The following SGK2 variants were observed in gnomAD, a reference collection of about 807,000 sequenced individuals.
SGK2 encodes serum/glucocorticoid regulated kinase 2.
In SGK2, 36 loss-of-function variants were observed where a neutral mutation model predicts 47.5. That is an observed-to-expected ratio of 0.76 (90% confidence interval 0.58 to 1.00). The LOEUF (loss-of-function observed/expected upper bound fraction) is 1.00, where lower values mean the gene tolerates loss of function less well. Ranked by LOEUF, SGK2 falls within the 50% of genes least tolerant of loss-of-function variation. The pLI is 0.00. For missense variants in SGK2, 404 were observed against 467.4 expected (o/e 0.86, Z 1.25); for synonymous variants, 157 against 181.9 (o/e 0.86, Z 1.10).
At position 43,572,587 on chromosome 20, in the gene SGK2, GA is replaced by G. The variant is rs1407741266; in HGVS notation, c.597+452del. ...AGCTACTCGGGAGGCTGAGGCAGGA[GA>G]ATCGCTTGAATACAGGAGGCAGAGG... On this transcript the variant is annotated intron_variant, in intron 9 of 12. Transcript: ENST00000373100. The surrounding 1 kb of genome is among the most constrained non-coding windows in gnomAD (Gnocchi z 4.2). Among the ~76,000 whole-genome samples the G allele has an allele frequency of 2.0e-5, 3 of 152,262 alleles. No individual in the cohort carries two copies. Among genetic ancestry groups the G allele is most frequent in the Admixed American group, 1.3e-4 (2 of 15,302 alleles).
chr20:43,583,766 C>T lies in SGK2; in HGVS notation c.940-1086C>T, dbSNP rs944231017. 4.0e-5 allele frequency: 9 copies of T among 222,398 alleles called. 1 individual carries two copies. The highest frequency in any genetic ancestry group is 2.1e-4 in the African/African-American group (9 of 42,784). 13.8% of individuals were successfully genotyped at this position (222,398 alleles called of 1,614,324 possible). A position where few individuals can be genotyped will look rare whatever the true frequency, so the allele number is the denominator to read the frequency against. On this transcript the variant is annotated intron_variant, in intron 12 of 12. Coordinates refer to ENST00000373100, the MANE Select transcript of SGK2 (RefSeq NM_170693.3). ...TTAGCATTGCTTGAGGCCAGGAGTT[C>T]AAGACCAGCCTGGTCAACATGGCGA...
At position 43,570,660 on chromosome 20, in the gene SGK2, G is replaced by A. The variant is rs199504693; in HGVS notation, c.404G>A (p.Arg135Gln). 1.7e-4 allele frequency: 275 copies of A among 1,612,396 alleles called. No homozygotes were observed. The highest frequency in any genetic ancestry group is 2.1e-4 in the Non-Finnish European group (252 of 1,178,780). Residue 135 changes from arginine (R) to glutamine (Q), a missense_variant, in exon 7 of 13, where the codon CGG becomes CAG. Arg to Gln is a conservative substitution (Grantham distance 43). Transcript: ENST00000373100. ...LQRERRFLEP[R>Q]ARFYAAEVAS... Reference sequence around the variant, plus strand: ...CGGGAGCGCCGGTTCCTGGAGCCCCGGGCCAGGTTCTACGCTGCTGAGGTG... The same window carrying A: ...CGGGAGCGCCGGTTCCTGGAGCCCCAGGCCAGGTTCTACGCTGCTGAGGTG...
At position 43,572,044 on chromosome 20, in the gene SGK2, T is replaced by G; in HGVS notation, c.511-7T>G. The G allele has an allele frequency of 1.3e-6, 2 of 1,546,872 alleles. No individual in the cohort carries two copies. On this transcript the variant is annotated splice_polypyrimidine_tract_variant and splice_region_variant and intron_variant, in intron 8 of 12. Coordinates refer to ENST00000373100, the MANE Select transcript of SGK2 (RefSeq NM_170693.3). The surrounding 1 kb of genome is among the most constrained non-coding windows in gnomAD (Gnocchi z 4.2). ...ACCCTCCAGCCCATGCCCTCCGTCA[T>G]TCTCAGGGACACGTGGTGCTGACGG...
At chr20:43,583,627 T>C in intron 12 of SGK2, 1 of 985,318 alleles carries the variant, frequency 1.0e-6, no homozygotes, top group Non-Finnish European at 1.2e-6. Context: ...ACTGTATTGG[T>C]TAGCTCTTGG....
chr20:43,584,358 G>A (rs1434454948), intron 12 of SGK2, among the ~76,000 whole-genome samples: 1 of 152,142 alleles, frequency 6.6e-6, no homozygotes, highest in Non-Finnish European at 1.5e-5. Context: ...GATGGGAAAT[G>A]GAGAATTTGT....
chr20:43,571,429 A>G (rs1254087688), intron 8 of SGK2, among the ~76,000 whole-genome samples: 1 of 152,182 alleles, frequency 6.6e-6, no homozygotes, highest in African/African-American at 2.4e-5. Context: ...GTAAAAAAAC[A>G]GGATTGGGCA....
intron 1 of SGK2, among the ~76,000 whole-genome samples, chr20:43,559,769 T>A (rs1228301940): frequency 6.6e-6 from 1 of 151,956 alleles, no homozygotes; most frequent in Non-Finnish European, 1.5e-5. Context: ...AAGACCAGGT[T>A]TGTTGGGGAA....
chr20:43,576,963 T>A (rs1216297916), intron 11 of SGK2, among the ~76,000 whole-genome samples: 1 of 151,914 alleles, frequency 6.6e-6, no homozygotes, highest in Non-Finnish European at 1.5e-5. Context: ...ACAAAAAAAG[T>A]TTGGGATTGG....
chr20:43,570,508 G>A, intron 6 of SGK2, 109 bp from the exon 7 acceptor site: 1 of 669,868 alleles, frequency 1.5e-6, no homozygotes, highest in Non-Finnish European at 2.6e-6. Flanking sequence ...GAAGAATGCT[G>A]CAGGTCAGAG....
chr20:43,578,201 T>G (rs1980581888), intron 11 of SGK2, among the ~76,000 whole-genome samples: 1 of 151,992 alleles, frequency 6.6e-6, no homozygotes, highest in Admixed American at 6.6e-5. Flanking sequence ...ATGAATGGAC[T>G]AGGCCAGGTG....
rs147672588 is a variant in SGK2 at position 43,584,939 on chromosome 20, G to A, written c.1027G>A (p.Ala343Thr). ...KSIGCTPDTV[A>T]SSSGASSAFL... ...CATTGGCTGTACCCCTGACACTGTG[G>A]CCAGCAGCTCTGGGGCCTCAAGTGC... is the stretch of plus-strand genomic sequence containing the variant. The change falls in exon 13 of 13, where the codon GCC (alanine) becomes ACC (threonine). Residue 343 changes from alanine to threonine, a missense_variant. Physicochemically the swap from Ala to Thr is moderately conservative, Grantham distance 58. Coordinates refer to ENST00000373100, the MANE Select transcript of SGK2 (RefSeq NM_170693.3). 2.7e-5 allele frequency: 43 copies of A among 1,614,022 alleles called. No individual in the cohort carries two copies. The highest frequency in any genetic ancestry group is 3.3e-4 in the Middle Eastern group (2 of 6,084).
Position 43,566,484 on chromosome 20 carries a change from C to T in SGK2, c.-12C>T. On this transcript the variant is annotated 5_prime_UTR_variant, in exon 2 of 13. Coordinates refer to ENST00000373100, the MANE Select transcript of SGK2 (RefSeq NM_170693.3). Reference sequence around the variant, plus strand: ...CCCTGTCCCCCCAGAGCTGCCTGATCATTGCTACAGAATGAACTCTAGCCC... The same window carrying T: ...CCCTGTCCCCCCAGAGCTGCCTGATTATTGCTACAGAATGAACTCTAGCCC... The T allele has an allele frequency of 6.2e-7, 1 of 1,614,110 alleles. No homozygotes were observed. The highest frequency in any genetic ancestry group is 8.5e-7 in the Non-Finnish European group (1 of 1,180,010).
At chr20:43,583,197 A>G (rs1423936806) in intron 12 of SGK2, 2 of 1,289,776 alleles carry the variant, frequency 1.6e-6, no homozygotes, top group Non-Finnish European at 2.0e-6. Flanking sequence ...CACTCGGGCC[A>G]GGCACCAGAA....
chr20:43,559,766 G>A (rs1346758226), intron 1 of SGK2, among the ~76,000 whole-genome samples: 2 of 152,146 alleles, frequency 1.3e-5, no homozygotes, highest in Admixed American at 6.5e-5. Flanking sequence ...GGAAAGACCA[G>A]GTTTGTTGGG....
In SGK2 at chr20:43,574,986, C is replaced by T. The variant is rs777206001; in HGVS notation, c.675C>T (p.Tyr225=). The T allele has an allele frequency of 3.2e-5, 51 of 1,613,204 alleles. No individual in the cohort carries two copies. Among genetic ancestry groups the T allele is most frequent in the Non-Finnish European group, 3.5e-5 (41 of 1,179,502 alleles). The change falls in exon 10 of 13, where the codon TAC becomes TAT. Residue 225 remains tyrosine, a synonymous_variant. Transcript: ENST00000373100. ...VDWWCLGAVL[Y]EMLHGLPPFY... ...GGTGGTGCTTGGGGGCAGTCCTCTA[C>T]GAGATGCTCCATGGCCTGGTGAGTC...
At chr20:43,578,254 G>A (rs970304070) in intron 11 of SGK2, among the ~76,000 whole-genome samples, 12 of 152,102 alleles carry the variant, frequency 7.9e-5, no homozygotes, top group Non-Finnish European at 1.8e-4. Context: ...GGAGGCCAAG[G>A]CGGGCGGATC....
chr20:43,561,785 C>T (rs1979401803), intron 1 of SGK2, among the ~76,000 whole-genome samples: 1 of 151,990 alleles, frequency 6.6e-6, no homozygotes, highest in South Asian at 2.1e-4. Context: ...CTCACCGTGG[C>T]TTTTCATAGA....
chr20:43,579,011 C>CTTTTTTTTTTTTTTTTTTTTTTTTTT (rs10523244), intron 11 of SGK2, among the ~76,000 whole-genome samples: 1 of 143,816 alleles, frequency 7.0e-6, no homozygotes, highest in Non-Finnish European at 1.5e-5. Flanking sequence ...CTTTCGGAGG[C>CTTTTTTTTTTTTTTTTTTTTTTTTTT]TTTTTTTTTT....
chr20:43,560,939 C>T (rs921141300), intron 1 of SGK2, among the ~76,000 whole-genome samples: 3 of 152,138 alleles, frequency 2.0e-5, no homozygotes, highest in South Asian at 2.1e-4. Flanking sequence ...CTAATAAATA[C>T]GTGATAAGGC....
Sources: gnomAD v4.1 joint callset for allele counts (sites outside exome capture counted in the v4.1 genomes callset) on GRCh38, gnomAD v4.1.1 for gene constraint, Gnocchi (gnomAD v3.1) non-coding constraint, MANE v1.5 for transcripts, NCBI Gene and HGNC (gene_info 2026-07-23, HGNC 2026-07-21) for gene names.